Variants in LDLRAD4 observed in about 807,000 individuals in gnomAD.
The protein encoded by LDLRAD4 is low density lipoprotein receptor class A domain containing 4.
A neutral mutation model predicts 17.0 loss-of-function variants in LDLRAD4; 5 were observed. That is an observed-to-expected ratio of 0.29 (90% CI 0.15 to 0.62). The LOEUF (loss-of-function observed/expected upper bound fraction) is 0.62, where lower values mean the gene tolerates loss of function less well. LDLRAD4 is among the 20% of genes least tolerant of loss of function. The pLI is 0.84. For synonymous variants in LDLRAD4, 168 were observed against 171.8 expected, an observed-to-expected ratio of 0.98 and a Z score of 0.17; for missense variants, 340 against 424.7, an observed-to-expected ratio of 0.80 and a Z score of 1.75.
chr18:13,287,433 T>G (rs1032154437), intron 1 of LDLRAD4, among the ~76,000 whole-genome samples: 3 of 152,228 alleles, frequency 2.0e-5, no homozygotes, highest in African/African-American at 7.2e-5. Flanking sequence ...GTTTAAACAG[T>G]AAGGTTGAAA....
intron 1 of LDLRAD4, among the ~76,000 whole-genome samples, chr18:13,237,475 T>C (rs2042393428): frequency 1.3e-5 from 2 of 152,314 alleles, no homozygotes; most frequent in Non-Finnish European, 2.9e-5. Context: ...GGGTGGCTGA[T>C]TTGTTCTTGC....
At chr18:13,508,097 T>TTAGTGA (rs2093723143) in intron 3 of LDLRAD4, among the ~76,000 whole-genome samples, 2 of 149,272 alleles carry the variant, frequency 1.3e-5, no homozygotes, top group African/African-American at 5.2e-5. Context: ...TTAAGTGGTC[T>TTAGTGA]GGATAGAAGG....
rs2090947697 is a variant in LDLRAD4 at position 13,440,387 on chromosome 18, C to T, written c.181+2003C>T. Among the ~76,000 whole-genome samples the T allele has an allele frequency of 6.6e-6, 1 of 152,182 alleles. No individual in the cohort carries two copies. Reference sequence around the variant, plus strand: ...GAGCACTTTAATTCTGCCTAGAAGCCGAGGGAGCAGTTACATCCATCAGTG... The same window carrying T: ...GAGCACTTTAATTCTGCCTAGAAGCTGAGGGAGCAGTTACATCCATCAGTG... On this transcript the variant is annotated intron_variant, in intron 3 of 5. Coordinates refer to ENST00000359446, the Ensembl canonical transcript of LDLRAD4. This position sits in a 1 kb window ranked among gnomAD's most constrained non-coding sequence, Gnocchi z 4.4.
intron 3 of LDLRAD4, among the ~76,000 whole-genome samples, chr18:13,481,363 C>T (rs1048375607): frequency 6.6e-6 from 1 of 152,204 alleles, no homozygotes; most frequent in Admixed American, 6.5e-5. Flanking sequence ...TGGATGGCTT[C>T]CTCTGGACAG....
rs28575941 is a variant in LDLRAD4 at position 13,412,247 on chromosome 18, A to G, written c.40+24485A>G. On this transcript the variant is annotated intron_variant, in intron 2 of 5. Coordinates refer to ENST00000359446, the Ensembl canonical transcript of LDLRAD4. ...TGCCTCAGTTACTGCATTGTCTGCTACTTCCTCATATGTAATCTCTGGCCC... is the reference window on the plus strand; with the variant it reads ...TGCCTCAGTTACTGCATTGTCTGCTGCTTCCTCATATGTAATCTCTGGCCC... Among the ~76,000 whole-genome samples, 237 of 152,280 alleles carry G rather than the reference A, an allele frequency of 1.6e-3. 1 individual carries two copies. The highest frequency in any genetic ancestry group is 6.8e-3 in the Middle Eastern group (2 of 294).
At chr18:13,599,017 C>G (rs1386849065) in intron 3 of LDLRAD4, among the ~76,000 whole-genome samples, 1 of 152,166 alleles carries the variant, frequency 6.6e-6, no homozygotes, top group East Asian at 1.9e-4. Context: ...ATCTTCTGCC[C>G]TAAGAGTGGG....
chr18:13,354,036 A>T (rs1229194340), intron 1 of LDLRAD4, among the ~76,000 whole-genome samples: 1 of 152,136 alleles, frequency 6.6e-6, no homozygotes, highest in Non-Finnish European at 1.5e-5. Flanking sequence ...GATTTAACTC[A>T]CAGGATTAAA....
At chr18:13,492,150 C>T (rs923264586) in intron 3 of LDLRAD4, among the ~76,000 whole-genome samples, 1 of 152,112 alleles carries the variant, frequency 6.6e-6, no homozygotes, top group Non-Finnish European at 1.5e-5. Context: ...GCAAGTCTAG[C>T]TAGAAACAGG....
chr18:13,229,216 G>A (rs1378461020), intron 1 of LDLRAD4, among the ~76,000 whole-genome samples: 1 of 152,222 alleles, frequency 6.6e-6, no homozygotes, highest in Non-Finnish European at 1.5e-5. Context: ...AAGGCCTCCT[G>A]AGGGCTTGCC....
intron 3 of LDLRAD4, among the ~76,000 whole-genome samples, chr18:13,548,518 C>T (rs971121603): frequency 1.3e-5 from 2 of 152,366 alleles, no homozygotes; most frequent in Non-Finnish European, 2.9e-5. Flanking sequence ...TATGTGCACA[C>T]CTGGTCAGGT....
At chr18:13,342,477 C>CTT (rs10706515) in intron 1 of LDLRAD4, among the ~76,000 whole-genome samples, 518 of 38,648 alleles carry the variant, frequency 0.013, 1 homozygote, top group Middle Eastern at 0.029. Flanking sequence ...GCCTTCCTGT[C>CTT]TTTTTTTTTT....
At chr18:13,643,444 G>A (rs1319064540) in intron 5 of LDLRAD4, 32 bp downstream of exon 6, 4 of 696,990 alleles carry the variant, frequency 5.7e-6, no homozygotes, top group Non-Finnish European at 8.3e-6. Flanking sequence ...TGGCTGCGGG[G>A]GGCGGGGGGG....
intron 1 of LDLRAD4, among the ~76,000 whole-genome samples, chr18:13,271,819 G>A (rs2044562652): frequency 6.6e-6 from 1 of 151,342 alleles, no homozygotes; most frequent in Non-Finnish European, 1.5e-5. Context: ...GGAGAGGGTG[G>A]GAAAAGCTGA....
chr18:13,411,442 G>A (rs2088348988), intron 2 of LDLRAD4, among the ~76,000 whole-genome samples: 1 of 152,172 alleles, frequency 6.6e-6, no homozygotes, highest in African/African-American at 2.4e-5. Context: ...GTTTGGCTGT[G>A]TCCTTACCCA....
intron 3 of LDLRAD4, among the ~76,000 whole-genome samples, chr18:13,592,994 T>C (rs1286771886): frequency 2.0e-5 from 3 of 152,218 alleles, no homozygotes; most frequent in East Asian, 1.9e-4. Context: ...CAAAATAATA[T>C]TGTTTTATAT....
intron 3 of LDLRAD4, among the ~76,000 whole-genome samples, chr18:13,567,433 C>G (rs1409812131): frequency 6.6e-6 from 1 of 152,208 alleles, no homozygotes; most frequent in African/African-American, 2.4e-5. Context: ...GGCCTGCCTG[C>G]AAACGCACTG....
intron 1 of LDLRAD4, among the ~76,000 whole-genome samples, chr18:13,295,444 C>A (rs947957322): frequency 3.3e-5 from 5 of 152,194 alleles, no homozygotes; most frequent in African/African-American, 7.2e-5. Context: ...GGCGTGGGTG[C>A]AGGGCTTCTT....
chr18:13,651,815 C>T (rs1372172296), exon 6 of LDLRAD4: 2 of 152,134 alleles, frequency 1.3e-5, no homozygotes, highest in African/African-American at 2.4e-5. Context: ...TTTTTATTTG[C>T]TCCATGGTGT....
intron 1 of LDLRAD4, among the ~76,000 whole-genome samples, chr18:13,385,476 A>T (rs1025959177): frequency 3.9e-5 from 6 of 152,160 alleles, no homozygotes; most frequent in African/African-American, 7.2e-5. Context: ...CCTGATTTTT[A>T]AAAAAAGTGA....
Sources: gnomAD v4.1 joint callset for allele counts (sites outside exome capture counted in the v4.1 genomes callset) on GRCh38, gnomAD v4.1.1 for gene constraint, Gnocchi (gnomAD v3.1) non-coding constraint, MANE v1.5 for transcripts, NCBI Gene and HGNC (gene_info 2026-07-23, HGNC 2026-07-21) for gene names.